The following CACNA1C variants were observed in gnomAD, a reference collection of about 807,000 sequenced individuals.
The protein encoded by CACNA1C is calcium voltage-gated channel subunit alpha1 C.
A neutral mutation model predicts 229.0 loss-of-function variants in CACNA1C; 30 were observed. That is an observed-to-expected ratio of 0.13 (90% CI 0.10 to 0.18). The LOEUF is 0.18. CACNA1C is among the 10% of genes least tolerant of loss of function. The pLI is 1.00. For synonymous variants in CACNA1C, 1,114 were observed against 1,132.5 expected (o/e 0.98, Z 0.33); for missense variants, 1,658 against 2,845.0 (o/e 0.58, Z 9.49).
At chr12:2,356,049 T>C (rs368286127) in intron 3 of CACNA1C, among the ~76,000 whole-genome samples, 2 of 152,230 alleles carry the variant, frequency 1.3e-5, no homozygotes, top group Non-Finnish European at 2.9e-5. Context: ...TGGGGCTGAA[T>C]TGAATTCATT....
At position 2,276,975 on chromosome 12, in the gene CACNA1C, C is replaced by T. The variant is rs1190775698; in HGVS notation, c.477+156545C>T. 3.3e-5 allele frequency among the ~76,000 whole-genome samples: 5 copies of T among 152,192 alleles called. 1 individual carries two copies. The highest frequency in any genetic ancestry group is 2.1e-4 in the South Asian group (1 of 4,816). ...ACTACCTGGAGCATGAAAATCCCAG[C>T]GCCTCTGCCACGGCCTAGACTGCTC... On this transcript the variant is annotated intron_variant, in intron 3 of 46. Transcript: ENST00000399655.
At chr12:2,508,091 G>A (rs763796220) in intron 8 of CACNA1C, among the ~76,000 whole-genome samples, 7 of 152,338 alleles carry the variant, frequency 4.6e-5, no homozygotes, top group Admixed American at 2.6e-4. Flanking sequence ...CAGAGGGACC[G>A]GCAGCCCTGC....
intron 1 of CACNA1C, among the ~76,000 whole-genome samples, chr12:2,043,804 C>T (rs1383263539): frequency 7.4e-6 from 1 of 134,782 alleles, no homozygotes. Flanking sequence ...TACAGGCGCC[C>T]GCCATTGCGC....
At chr12:2,343,672 G>C in intron 3 of CACNA1C, among the ~76,000 whole-genome samples, 1 of 152,320 alleles carries the variant, frequency 6.6e-6, no homozygotes, top group East Asian at 1.9e-4. Context: ...CAGTAAGAGT[G>C]GGGGCTGGGA....
chr12:2,602,924 T>C lies in CACNA1C; in HGVS notation c.2960+964T>C, dbSNP rs1269035479. Among the ~76,000 whole-genome samples, 1 of 152,102 alleles carries C rather than the reference T, an allele frequency of 6.6e-6. No homozygotes were observed. The highest frequency in any genetic ancestry group is 1.9e-4 in the East Asian group (1 of 5,198). On this transcript the variant is annotated intron_variant, in intron 22 of 46. Transcript: ENST00000399655. The surrounding 1 kb of genome is among the most constrained non-coding windows in gnomAD (Gnocchi z 4.4). ...GAGACGGGGCAAGTGTTATCATGAT[T>C]GTATAGATGGGAAATTTGGAGTTCA...
Position 2,597,227 on chromosome 12 carries a change from C to T in CACNA1C, c.2794-3C>T. On this transcript the variant is annotated splice_polypyrimidine_tract_variant and splice_region_variant and intron_variant, in intron 20 of 46. Coordinates refer to ENST00000399655, the MANE Select transcript of CACNA1C (RefSeq NM_000719.7). The surrounding 1 kb of genome is among the most constrained non-coding windows in gnomAD (Gnocchi z 4.3). ...CCCCACCCTGTTCCTTTTTGTTTTGCAGATTCTGTTTTATTTTGATATTGT... is the reference window on the plus strand; with the variant it reads ...CCCCACCCTGTTCCTTTTTGTTTTGTAGATTCTGTTTTATTTTGATATTGT... 3.7e-6 allele frequency: 6 copies of T among 1,601,734 alleles called. No homozygotes were observed. The highest frequency in any genetic ancestry group is 4.3e-6 in the Non-Finnish European group (5 of 1,169,584).
intron 3 of CACNA1C, among the ~76,000 whole-genome samples, chr12:2,437,900 ATAG>A (rs1310312926): frequency 4.4e-5 from 6 of 136,710 alleles, no homozygotes; most frequent in Non-Finnish European, 7.8e-5. Context: ...GATGATGGTG[ATAG>A]TAGAGGTAGT....
At chr12:2,137,535 A>G (rs956051638) in intron 3 of CACNA1C, among the ~76,000 whole-genome samples, 2 of 151,364 alleles carry the variant, frequency 1.3e-5, no homozygotes, top group African/African-American at 4.8e-5. Context: ...GCAGTGAGCT[A>G]TGATTACACC....
Position 2,561,542 on chromosome 12 carries a change from A to G in CACNA1C, c.1508+4565A>G, listed in dbSNP as rs540903213. On this transcript the variant is annotated intron_variant, in intron 11 of 46. Transcript: ENST00000399655. Reference sequence around the variant, plus strand: ...AGAGTGCCAAGGCTGAGAAGACTAGAAGCATGCATCGTGGAGAAGCTGGGA... The same window carrying G: ...AGAGTGCCAAGGCTGAGAAGACTAGGAGCATGCATCGTGGAGAAGCTGGGA... Among the ~76,000 whole-genome samples the G allele has an allele frequency of 4.1e-4, 62 of 152,336 alleles. 1 individual carries two copies. In the South Asian group the frequency reaches 0.012, roughly 31 times the overall value.
rs980473044 is a variant in CACNA1C, at chr12:2,108,749, G to A, written c.50-6475G>A. On this transcript the variant is annotated intron_variant, in intron 1 of 46. Transcript: ENST00000399655. The surrounding 1 kb of genome is among the most constrained non-coding windows in gnomAD (Gnocchi z 5.3). ...GGGTTATCGTCTGAGATCGAGAGAC[G>A]GTGTCCTCTCTGTTCACGTCCTCCA... 6.6e-6 allele frequency among the ~76,000 whole-genome samples: 1 copy of A among 152,188 alleles called. No individual in the cohort carries two copies. Among genetic ancestry groups the A allele is most frequent in the African/African-American group, 2.4e-5 (1 of 41,448 alleles).
At chr12:2,104,904 A>T (rs748162717) in intron 1 of CACNA1C, among the ~76,000 whole-genome samples, 4 of 152,172 alleles carry the variant, frequency 2.6e-5, no homozygotes, top group African/African-American at 9.7e-5. Context: ...GCAATTTGTC[A>T]TCTTCAGTTG....
intron 29 of CACNA1C, among the ~76,000 whole-genome samples, chr12:2,623,008 A>C (rs955238359): frequency 6.6e-6 from 1 of 152,090 alleles, no homozygotes; most frequent in Non-Finnish European, 1.5e-5. Context: ...TTTCATCTCT[A>C]TGTAGTCTTT....
chr12:2,150,861 AGG>A (rs907792766), intron 3 of CACNA1C, among the ~76,000 whole-genome samples: 1 of 152,204 alleles, frequency 6.6e-6, no homozygotes, highest in African/African-American at 2.4e-5. Context: ...GTGCTATATA[AGG>A]TACAGTGCAC....
At chr12:2,604,999 T>C in intron 22 of CACNA1C, 82 bp from the exon 23 acceptor site, 1 of 1,039,456 alleles carries the variant, frequency 9.6e-7, no homozygotes. Flanking sequence ...GATTCACCTG[T>C]CAGGACATTC....
intron 1 of CACNA1C, among the ~76,000 whole-genome samples, chr12:2,110,288 G>T (rs1396369316): frequency 2.0e-5 from 3 of 152,214 alleles, no homozygotes; most frequent in South Asian, 4.1e-4. Flanking sequence ...GTCTTCAGGG[G>T]AGCTGGGCCA....
intron 9 of CACNA1C, among the ~76,000 whole-genome samples, chr12:2,541,957 A>G (rs1374680242): frequency 6.6e-6 from 1 of 152,146 alleles, no homozygotes; most frequent in Non-Finnish European, 1.5e-5. Context: ...CGGGGGCCTC[A>G]GGAACAGGCC....
intron 25 of CACNA1C, 89 bp from the exon 26 acceptor site, chr12:2,606,895 C>T (rs2075636887): frequency 6.8e-7 from 1 of 1,464,652 alleles, no homozygotes; most frequent in Admixed American, 1.8e-5. Flanking sequence ...CAGGCAGTCC[C>T]ATCCCACCCA....
chr12:2,521,998 G>A (rs1417971838), intron 9 of CACNA1C, among the ~76,000 whole-genome samples: 1 of 152,208 alleles, frequency 6.6e-6, no homozygotes, highest in Non-Finnish European at 1.5e-5. Flanking sequence ...CTGCCGCAAA[G>A]CCAGACTGCA....
At position 2,140,090 on chromosome 12, in the gene CACNA1C, G is replaced by A. The variant is rs574006874; in HGVS notation, c.477+19660G>A. ...TACTAGGCTAGGAGCTTTGGAGGGC[G>A]TCCCTCCCTGCAGACCCCTCTCTCA... is the stretch of plus-strand genomic sequence containing the variant. On this transcript the variant is annotated intron_variant, in intron 3 of 46. Coordinates refer to ENST00000399655, the MANE Select transcript of CACNA1C (RefSeq NM_000719.7). Among the ~76,000 whole-genome samples, 45 of 151,364 alleles carry A rather than the reference G, an allele frequency of 3.0e-4. 1 individual carries two copies. The highest frequency in any genetic ancestry group is 6.5e-4 in the Non-Finnish European group (44 of 67,544).
Sources: allele counts gnomAD v4.1 joint callset (sites outside exome capture counted in the v4.1 genomes callset), GRCh38; gene constraint gnomAD v4.1.1; non-coding constraint Gnocchi (gnomAD v3.1); transcripts MANE v1.5; gene names NCBI Gene and HGNC (gene_info 2026-07-23, HGNC 2026-07-21).